Variants in RBM6 observed in about 807,000 individuals in gnomAD.
RBM6 encodes the protein RNA-binding protein 6.
RBM6 carries 23 observed loss-of-function variants against 140.4 expected under a neutral mutation model. The ratio of observed to expected loss-of-function variants is 0.16; its 90% confidence interval spans 0.12 to 0.23. RBM6 has a LOEUF of 0.23. Among genes scored for constraint, RBM6 ranks in the 10% least tolerant of loss-of-function variants. The probability of loss-of-function intolerance (pLI) is 1.00; values close to 1 mark genes in which losing one functional copy is unlikely to be tolerated. For synonymous variants in RBM6, 439 were observed against 475.6 expected, an observed-to-expected ratio of 0.92 and a Z score of 1.00; for missense variants, 1,139 against 1,386.7, an observed-to-expected ratio of 0.82 and a Z score of 2.84.
intron 6 of RBM6, among the ~76,000 whole-genome samples, chr3:50,014,045 T>G (rs1251384615): frequency 2.0e-5 from 3 of 152,196 alleles, no homozygotes; most frequent in Non-Finnish European, 4.4e-5. Flanking sequence ...TCTCTATTGC[T>G]GAGGTTGAAA....
At chr3:50,040,371 G>A (rs9810125) in intron 6 of RBM6, among the ~76,000 whole-genome samples, 76,710 of 145,786 alleles carry the variant, frequency 0.53, 20,819 homozygotes, top group East Asian at 0.86. Flanking sequence ...GCATGAACCC[G>A]GGAGGCAGAG....
intron 1 of RBM6, among the ~76,000 whole-genome samples, chr3:49,961,013 G>C (rs562656843): frequency 1.3e-5 from 2 of 150,788 alleles, no homozygotes; most frequent in Non-Finnish European, 2.9e-5. Context: ...GGGTTCAAGC[G>C]ATCCTCCCCC....
chr3:49,972,625 A>G (rs1470129514), intron 4 of RBM6, among the ~76,000 whole-genome samples: 1 of 152,220 alleles, frequency 6.6e-6, no homozygotes, highest in East Asian at 1.9e-4. Flanking sequence ...TACAAGCATT[A>G]GTTCATTTAA....
intron 8 of RBM6, among the ~76,000 whole-genome samples, chr3:50,055,794 G>A (rs1359833673): frequency 6.6e-6 from 1 of 152,214 alleles, no homozygotes; most frequent in Non-Finnish European, 1.5e-5. Context: ...TAATCAGGAT[G>A]TGGGGAACAT....
chr3:49,952,624 C>T (rs772482351), intron 1 of RBM6, among the ~76,000 whole-genome samples: 5 of 151,418 alleles, frequency 3.3e-5, no homozygotes, highest in Non-Finnish European at 5.9e-5. Context: ...CTCAGCCTCC[C>T]GAGTAGCTGG....
At chr3:49,999,909 C>T (rs541382824) in intron 6 of RBM6, among the ~76,000 whole-genome samples, 1 of 152,182 alleles carries the variant, frequency 6.6e-6, no homozygotes, top group African/African-American at 2.4e-5. Context: ...AATAGTTACA[C>T]CCAGACCTAG....
chr3:50,055,222 G>A (rs934258838), intron 8 of RBM6, among the ~76,000 whole-genome samples: 1 of 152,232 alleles, frequency 6.6e-6, no homozygotes, highest in Non-Finnish European at 1.5e-5. Context: ...GTGGTCAGGA[G>A]TTCAAGACCA....
chr3:50,003,273 G>A (rs2086423907), intron 6 of RBM6, among the ~76,000 whole-genome samples: 2 of 142,422 alleles, frequency 1.4e-5, no homozygotes, highest in African/African-American at 5.2e-5. Flanking sequence ...AGTTTGAAAT[G>A]AGCATGGGGT....
At chr3:49,953,360 C>G (rs1199659735) in intron 1 of RBM6, among the ~76,000 whole-genome samples, 1 of 151,942 alleles carries the variant, frequency 6.6e-6, no homozygotes, top group Non-Finnish European at 1.5e-5. Flanking sequence ...GCTGGGACTA[C>G]AGGCGTGTGC....
At chr3:50,021,157 C>G (rs1388141114) in intron 6 of RBM6, among the ~76,000 whole-genome samples, 1 of 152,044 alleles carries the variant, frequency 6.6e-6, no homozygotes, top group South Asian at 2.1e-4. Flanking sequence ...ATATGTAGTT[C>G]GCTGTTGCTG....
At chr3:50,033,982 A>G (rs2088346492) in intron 6 of RBM6, among the ~76,000 whole-genome samples, 1 of 152,138 alleles carries the variant, frequency 6.6e-6, no homozygotes, top group Admixed American at 6.6e-5. Context: ...ACCTTATTAT[A>G]CATAAACATA....
chr3:50,073,000 G>C (rs1274560034), intron 19 of RBM6, among the ~76,000 whole-genome samples: 1 of 152,068 alleles, frequency 6.6e-6, no homozygotes, highest in Non-Finnish European at 1.5e-5. Flanking sequence ...GTGCTTCTTT[G>C]GTCTTGCTGC....
At chr3:50,051,091 A>G (rs983022718) in intron 7 of RBM6, among the ~76,000 whole-genome samples, 1 of 152,124 alleles carries the variant, frequency 6.6e-6, no homozygotes, top group Non-Finnish European at 1.5e-5. Flanking sequence ...TGTAATCCCA[A>G]CACTTTGGGA....
rs1320822345 is a variant in RBM6, at chr3:50,034,459, A to G, written c.1558-13786A>G. On this transcript the variant is annotated intron_variant, in intron 6 of 20. Transcript: ENST00000266022. ...CTCTTTCCATTCTGCAGTTTTCCTG[A>G]TAAGAATTTCAGATGGTGGTGGCCA... is the stretch of plus-strand genomic sequence containing the variant. Among the ~76,000 whole-genome samples, 3 of 152,048 alleles carry G rather than the reference A, an allele frequency of 2.0e-5. No individual in the cohort carries two copies. In the East Asian group the frequency reaches 5.8e-4, roughly 29 times the overall value.
intron 19 of RBM6, among the ~76,000 whole-genome samples, chr3:50,072,019 G>GGTTGCA (rs987057706): frequency 2.0e-5 from 3 of 150,298 alleles, no homozygotes; most frequent in African/African-American, 7.4e-5. Flanking sequence ...GGGAGGCAGA[G>GGTTGCA]GTTGCAGTGA....
intron 6 of RBM6, among the ~76,000 whole-genome samples, chr3:50,013,076 A>AT (rs570827096): frequency 2.0e-5 from 3 of 152,234 alleles, no homozygotes; most frequent in Non-Finnish European, 4.4e-5. Context: ...TTGAATGCAG[A>AT]TTTTTGAATA....
At chr3:50,010,660 TG>T (rs1240565381) in intron 6 of RBM6, among the ~76,000 whole-genome samples, 1 of 151,990 alleles carries the variant, frequency 6.6e-6, no homozygotes, top group African/African-American at 2.4e-5. Context: ...CCCAGCACTT[TG>T]GGAGGCTGAG....
intron 5 of RBM6, among the ~76,000 whole-genome samples, chr3:49,980,174 G>T (rs1330636796): frequency 6.6e-6 from 1 of 151,088 alleles, no homozygotes; most frequent in African/African-American, 2.4e-5. Flanking sequence ...GCTAATTTTT[G>T]TATTTTTTTT....
At chr3:50,006,661 G>A (rs1184588320) in intron 6 of RBM6, among the ~76,000 whole-genome samples, 2 of 150,246 alleles carry the variant, frequency 1.3e-5, no homozygotes, top group Non-Finnish European at 3.0e-5. Flanking sequence ...GGCCGGGTGC[G>A]GTGGCTCATG....
Sources: gnomAD v4.1 joint callset for allele counts (sites outside exome capture counted in the v4.1 genomes callset) on GRCh38, gnomAD v4.1.1 for gene constraint, MANE v1.5 for transcripts, NCBI Gene and HGNC (gene_info 2026-07-23, HGNC 2026-07-21) for gene names.